POLR1A: variants seen among roughly 807,000 people sequenced by gnomAD.
The protein encoded by POLR1A is DNA-directed RNA polymerase I subunit RPA1.
A neutral mutation model predicts 205.3 loss-of-function variants in POLR1A; 84 were observed. That is an observed-to-expected ratio of 0.41 (90% CI 0.34 to 0.49). POLR1A has a LOEUF of 0.49. Ranked by LOEUF, POLR1A falls within the 20% of genes least tolerant of loss-of-function variation. The probability of loss-of-function intolerance (pLI) is 0.22; values close to 1 mark genes in which losing one functional copy is unlikely to be tolerated. For missense variants in POLR1A, 1,645 were observed against 2,204.5 expected (o/e 0.75, Z 5.08); for synonymous variants, 799 against 863.7 (o/e 0.93, Z 1.31).
intron 27 of POLR1A, among the ~76,000 whole-genome samples, chr2:86,034,485 C>T (rs2104383308): frequency 6.6e-6 from 1 of 152,332 alleles, no homozygotes; most frequent in South Asian, 2.1e-4. Context: ...ACCTGAAGCT[C>T]AGAACCTGGC....
Position 86,049,087 on chromosome 2 carries a change from G to A in POLR1A, c.2476-45C>T, listed in dbSNP as rs148213038. 113 of 1,612,958 alleles carry A rather than the reference G, an allele frequency of 7.0e-5. No individual in the cohort carries two copies. In the African/African-American group the frequency reaches 1.1e-3, roughly 16 times the overall value. On this transcript the variant is annotated intron_variant, in intron 17 of 33. Coordinates refer to ENST00000263857, the MANE Select transcript of POLR1A (RefSeq NM_015425.6). Reference sequence around the variant, plus strand: ...ACAGCGGAGGCTGAGGCCAAACGACGAGAGTGTGGGTTTTGACTCAGCACA... The same window carrying A: ...ACAGCGGAGGCTGAGGCCAAACGACAAGAGTGTGGGTTTTGACTCAGCACA...
chr2:86,090,812 G>C (rs1673588469), intron 3 of POLR1A, among the ~76,000 whole-genome samples: 1 of 152,220 alleles, frequency 6.6e-6, no homozygotes. Flanking sequence ...GCTGGGCACA[G>C]TGGTGCCTCT....
At position 86,049,040 on chromosome 2, in the gene POLR1A, A is replaced by T; in HGVS notation, c.2478T>A (p.Ala826=). Residue 826 remains alanine, a splice_region_variant and synonymous_variant, in exon 18 of 34, where the codon GCT becomes GCA. Transcript: ENST00000263857. ...IEESTHCGPQ[A]VRAALNLPEA... Reference sequence around the variant, plus strand: ...CTGGCAGGTTTAATGCAGCCCTGACAGCCTAGAATGAGAACAGAAACACAG... The same window carrying T: ...CTGGCAGGTTTAATGCAGCCCTGACTGCCTAGAATGAGAACAGAAACACAG... 1 of 1,614,222 alleles carries T rather than the reference A, an allele frequency of 6.2e-7. No homozygotes were observed. Among genetic ancestry groups the T allele is most frequent in the Non-Finnish European group, 8.5e-7 (1 of 1,180,020 alleles).
chr2:86,029,878 G>C (rs1194186805), intron 31 of POLR1A, among the ~76,000 whole-genome samples: 2 of 152,136 alleles, frequency 1.3e-5, no homozygotes, highest in Non-Finnish European at 2.9e-5. Context: ...GGGATTACAG[G>C]TGTGAACCAC....
At position 86,029,948 on chromosome 2, in the gene POLR1A, G is replaced by A. The variant is rs187247655; in HGVS notation, c.4779+248C>T. On this transcript the variant is annotated intron_variant, in intron 31 of 33. Transcript: ENST00000263857. The stretch of plus-strand genomic sequence containing the variant: ...AAACTCTACTCAAATTAACCCGGGC[G>A]ACTCTGGGTTGGATAAGTTCAGCAG... Among the ~76,000 whole-genome samples the A allele has an allele frequency of 4.2e-3, 632 of 152,272 alleles. 2 individuals are homozygous for A. The highest frequency in any genetic ancestry group is 7.0e-3 in the Non-Finnish European group (474 of 68,032).
intron 9 of POLR1A, among the ~76,000 whole-genome samples, chr2:86,078,955 C>G (rs1673346748): frequency 6.6e-6 from 1 of 152,186 alleles, no homozygotes; most frequent in Non-Finnish European, 1.5e-5. Flanking sequence ...CTTCAGCTGG[C>G]TTAGAGCACC....
intron 6 of POLR1A, among the ~76,000 whole-genome samples, chr2:86,084,902 C>A (rs1673475087): frequency 6.6e-6 from 1 of 152,122 alleles, no homozygotes; most frequent in African/African-American, 2.4e-5. Context: ...ACTTGGAGAA[C>A]AATTAACAAA....
At chr2:86,085,147 G>A (rs1673480517) in intron 6 of POLR1A, among the ~76,000 whole-genome samples, 1 of 152,142 alleles carries the variant, frequency 6.6e-6, no homozygotes, top group African/African-American at 2.4e-5. Context: ...ATTTTTAGTA[G>A]AGACGGGGTT....
intron 14 of POLR1A, among the ~76,000 whole-genome samples, chr2:86,057,602 C>A (rs1672918596): frequency 6.6e-6 from 1 of 151,926 alleles, no homozygotes; most frequent in South Asian, 2.1e-4. Flanking sequence ...ACAGAGGAAA[C>A]AATGGAATGT....
intron 13 of POLR1A, among the ~76,000 whole-genome samples, chr2:86,068,094 C>T (rs1214227406): frequency 6.6e-6 from 1 of 152,152 alleles, no homozygotes; most frequent in Non-Finnish European, 1.5e-5. Context: ...CATGAAGTCT[C>T]CTATGGCTTT....
intron 16 of POLR1A, among the ~76,000 whole-genome samples, chr2:86,052,446 G>A (rs760922256): frequency 4.4e-4 from 67 of 152,320 alleles, no homozygotes; most frequent in Non-Finnish European, 5.9e-4. Flanking sequence ...CACTGTGAAC[G>A]GGAATAAGCA....
chr2:86,066,041 A>C (rs1046917103), intron 13 of POLR1A, among the ~76,000 whole-genome samples: 1 of 152,248 alleles, frequency 6.6e-6, no homozygotes, highest in Non-Finnish European at 1.5e-5. Context: ...ATACAATATC[A>C]CAAAGTGTTT....
Position 86,020,793 on chromosome 2 carries a change from C to T in POLR1A, c.*6630G>A, listed in dbSNP as rs1196125608. On this transcript the variant is annotated 3_prime_UTR_variant, in exon 34 of 34. Coordinates refer to ENST00000263857, the MANE Select transcript of POLR1A (RefSeq NM_015425.6). ...CCCTAGATGCCAGTAGCACCTCCCT[C>T]CAGTAGCAACAAAAAATGTCCGCAG... 3 of 152,226 alleles carry T rather than the reference C, an allele frequency of 2.0e-5. No homozygotes were observed. The South Asian group carries it at 6.2e-4, about 31-fold the overall frequency. 9.4% of individuals were successfully genotyped at this position (152,226 alleles called of 1,614,324 possible).
At chr2:86,087,419 T>A (rs991389514) in intron 6 of POLR1A, among the ~76,000 whole-genome samples, 5 of 152,324 alleles carry the variant, frequency 3.3e-5, no homozygotes, top group African/African-American at 1.2e-4. Context: ...TGTAACTTCC[T>A]CAATTCTAGG....
intron 3 of POLR1A, among the ~76,000 whole-genome samples, chr2:86,090,905 T>C (rs548667585): frequency 4.0e-4 from 61 of 152,342 alleles, no homozygotes; most frequent in African/African-American, 1.4e-3. Context: ...TGATCGTACC[T>C]GTGAATTGCC....
At chr2:86,086,572 C>T (rs545559973) in intron 6 of POLR1A, among the ~76,000 whole-genome samples, 3 of 152,210 alleles carry the variant, frequency 2.0e-5, no homozygotes, top group African/African-American at 7.2e-5. Flanking sequence ...AAACATGGTC[C>T]TTGGCATAAT....
chr2:86,094,563 G>C (rs114514219), intron 3 of POLR1A, among the ~76,000 whole-genome samples: 34 of 152,278 alleles, frequency 2.2e-4, no homozygotes, highest in African/African-American at 7.5e-4. Context: ...AAACAAGAAG[G>C]GGGTGCTAGG....
chr2:86,065,248 T>TA (rs772175979), intron 14 of POLR1A, 26 bp downstream of exon 14: 2 of 1,601,470 alleles, frequency 1.2e-6, no homozygotes, highest in African/African-American at 1.3e-5. Flanking sequence ...TTTTGTTACA[T>TA]ACACTGGCTG....
chr2:86,029,278 T>C (rs1234471716), intron 31 of POLR1A, among the ~76,000 whole-genome samples: 2 of 151,408 alleles, frequency 1.3e-5, no homozygotes, highest in African/African-American at 2.4e-5. Context: ...CTTTGCAGGG[T>C]GGTCATTGGT....
Sources: gnomAD v4.1 joint callset for allele counts (sites outside exome capture counted in the v4.1 genomes callset) on GRCh38, gnomAD v4.1.1 for gene constraint, MANE v1.5 for transcripts, NCBI Gene and HGNC (gene_info 2026-07-23, HGNC 2026-07-21) for gene names.